KLF8: variants seen among roughly 807,000 people sequenced by gnomAD.
KLF8 encodes KLF transcription factor 8, also known as Krueppel-like factor 8.
Under a neutral mutation model 18.2 loss-of-function variants are expected in KLF8, and 10 were observed. That is an observed-to-expected ratio of 0.55 (90% CI 0.34 to 0.93). KLF8 has a LOEUF of 0.93. KLF8 is among the 40% of genes least tolerant of loss of function. KLF8 has a pLI of 0.02. For missense variants in KLF8, 264 were observed against 277.9 expected (o/e 0.95, Z 0.36); for synonymous variants, 109 against 97.3 (o/e 1.12, Z -0.71).
chrX:56,260,008 T>A (rs1267741167), intron 2 of KLF8, among the ~76,000 whole-genome samples: 1 of 110,961 alleles, frequency 9.0e-6, no homozygotes. Flanking sequence ...CTGAAGGCTT[T>A]AGTGAAGAAA....
At chrX:56,174,108 C>G in the KLF8 span, among the ~76,000 whole-genome samples, 1 of 111,537 alleles carries the variant, frequency 9.0e-6, no homozygotes, top group African/African-American at 3.3e-5. Context: ...TCCTGATTGG[C>G]CTGGCCAGAA....
chrX:56,157,766 G>A, the KLF8 span, among the ~76,000 whole-genome samples: 1 of 111,593 alleles, frequency 9.0e-6, no homozygotes, highest in Admixed American at 9.5e-5. Flanking sequence ...ATTTGTTTGA[G>A]TTCATTGTAG....
the KLF8 span, among the ~76,000 whole-genome samples, chrX:56,146,878 T>G: frequency 1.3e-4 from 14 of 111,940 alleles, no homozygotes; most frequent in Non-Finnish European, 2.3e-4. Flanking sequence ...GTTATATGAA[T>G]AGAGACATAG....
At chrX:56,033,537 G>A in the KLF8 span, among the ~76,000 whole-genome samples, 1 of 111,808 alleles carries the variant, frequency 8.9e-6, no homozygotes, top group Admixed American at 9.5e-5. Flanking sequence ...ATACACAGAA[G>A]TGGGATTTCT....
At chrX:55,989,609 A>C in the KLF8 span, among the ~76,000 whole-genome samples, 2 of 111,813 alleles carry the variant, frequency 1.8e-5, no homozygotes, top group South Asian at 7.5e-4. Flanking sequence ...GTTTGTCAGT[A>C]TTTTATTGAG....
the KLF8 span, among the ~76,000 whole-genome samples, chrX:56,089,535 C>T: frequency 0.077 from 8,584 of 111,341 alleles, 808 homozygotes; most frequent in African/African-American, 0.27. Context: ...CCTGTCTTAA[C>T]AACAAGAAAA....
chrX:56,107,371 C>T, the KLF8 span, among the ~76,000 whole-genome samples: 1 of 111,771 alleles, frequency 8.9e-6, no homozygotes, highest in African/African-American at 3.2e-5. Context: ...GCAGTAGGCC[C>T]CACCCAGTTC....
At chrX:56,231,782 C>T (rs910376952), upstream of KLF8, among the ~76,000 whole-genome samples, 2 of 111,401 alleles carry the variant, frequency 1.8e-5, no homozygotes, top group East Asian at 5.6e-4. Context: ...GTTGAGAACT[C>T]TATTCTTAGA....
the KLF8 span, among the ~76,000 whole-genome samples, chrX:56,010,477 A>G: frequency 8.9e-5 from 10 of 112,196 alleles, no homozygotes; most frequent in Non-Finnish European, 1.9e-4. Flanking sequence ...AAATATGGAA[A>G]GGAAAAGCCA....
At chrX:56,215,956 A>G in the KLF8 span, among the ~76,000 whole-genome samples, 1 of 107,476 alleles carries the variant, frequency 9.3e-6, no homozygotes, top group Non-Finnish European at 1.9e-5. Flanking sequence ...CCAAAACCAA[A>G]TTTATAATAT....
At chrX:56,173,328 T>G in the KLF8 span, among the ~76,000 whole-genome samples, 1 of 112,132 alleles carries the variant, frequency 8.9e-6, no homozygotes, top group Non-Finnish European at 1.9e-5. Flanking sequence ...GGCTAGCCAG[T>G]TTTCCCAGCA....
At chrX:56,130,889 C>T in the KLF8 span, among the ~76,000 whole-genome samples, 1 of 111,261 alleles carries the variant, frequency 9.0e-6, no homozygotes, top group Non-Finnish European at 1.9e-5. Context: ...TAGAATTGAA[C>T]AAACAGAAAA....
the KLF8 span, among the ~76,000 whole-genome samples, chrX:55,990,812 G>A: frequency 8.9e-6 from 1 of 112,096 alleles, no homozygotes; most frequent in African/African-American, 3.2e-5. Context: ...CTGCAGAACA[G>A]CGGATACTGG....
chrX:55,913,376 T>G, the KLF8 span, among the ~76,000 whole-genome samples: 1 of 111,727 alleles, frequency 9.0e-6, no homozygotes, highest in African/African-American at 3.3e-5. Flanking sequence ...ACAGGGTCTT[T>G]ATAGAGGTAA....
chrX:56,158,935 T>G, the KLF8 span, among the ~76,000 whole-genome samples: 4 of 111,010 alleles, frequency 3.6e-5, no homozygotes, highest in South Asian at 1.5e-3. Context: ...TGAATAGGAG[T>G]GGTGAGAGAG....
At chrX:56,108,924 C>T in the KLF8 span, among the ~76,000 whole-genome samples, 7 of 111,422 alleles carry the variant, frequency 6.3e-5, no homozygotes, top group Admixed American at 5.7e-4. Flanking sequence ...TCTAATTTAC[C>T]TTGTGTTTTA....
At chrX:56,178,173 C>T in the KLF8 span, among the ~76,000 whole-genome samples, 8 of 112,295 alleles carry the variant, frequency 7.1e-5, no homozygotes, top group Non-Finnish European at 1.3e-4. Flanking sequence ...ATGCAGAAAT[C>T]ACTCTTCTTC....
the KLF8 span, chrX:56,015,260 T>C: frequency 8.9e-6 from 1 of 112,005 alleles, no homozygotes; most frequent in Admixed American, 9.5e-5. Context: ...ACGTCAGATT[T>C]GATGTGTCAC....
the KLF8 span, among the ~76,000 whole-genome samples, chrX:55,970,001 T>C: frequency 1.8e-5 from 2 of 110,817 alleles, no homozygotes; most frequent in Non-Finnish European, 3.8e-5. Context: ...GTACCAAACA[T>C]TTAAAGAAGC....
Sources: allele counts gnomAD v4.1 joint callset (sites outside exome capture counted in the v4.1 genomes callset), GRCh38; gene constraint gnomAD v4.1.1; transcripts MANE v1.5; gene names NCBI Gene and HGNC (gene_info 2026-07-23, HGNC 2026-07-21).